ODF2L: variants seen among roughly 807,000 people sequenced by gnomAD.
ODF2L encodes outer dense fiber of sperm tails 2 like, also known as protein BCAP.
ODF2L carries 76 observed loss-of-function variants against 86.3 expected under a neutral mutation model. That is an observed-to-expected ratio of 0.88 (90% CI 0.73 to 1.07). ODF2L has a LOEUF of 1.07. ODF2L is among the 50% of genes least tolerant of loss of function. The pLI, the probability that ODF2L is intolerant of heterozygous loss-of-function variation, is 0.00. For missense variants in ODF2L, 748 were observed against 717.4 expected (o/e 1.04, Z -0.49); for synonymous variants, 241 against 231.3 (o/e 1.04, Z -0.38).
intron 11 of ODF2L, among the ~76,000 whole-genome samples, chr1:86,367,700 G>A (rs948776773): frequency 3.9e-5 from 6 of 152,160 alleles, no homozygotes; most frequent in Admixed American, 6.5e-5. Flanking sequence ...ACTTGACTGT[G>A]TAGTGAAAGA....
intron 2 of ODF2L, 142 bp downstream of exon 2, chr1:86,386,773 T>C (rs541360674): frequency 2.0e-6 from 1 of 489,738 alleles, no homozygotes; most frequent in African/African-American, 2.0e-5. Context: ...TCAGATTAAA[T>C]ATATTTTAAT....
intron 7 of ODF2L, 48 bp downstream of exon 7, chr1:86,382,194 T>G: frequency 6.6e-7 from 1 of 1,511,718 alleles, no homozygotes; most frequent in Non-Finnish European, 8.8e-7. Flanking sequence ...GGCCTTTCAT[T>G]AATTTTATCA....
intron 13 of ODF2L, among the ~76,000 whole-genome samples, 200 bp from the exon 13 acceptor site, chr1:86,356,802 A>G (rs1358015731): frequency 6.6e-6 from 1 of 152,212 alleles, no homozygotes; most frequent in Non-Finnish European, 1.5e-5. Flanking sequence ...GTTTTCAAAA[A>G]GTTTGTTGAG....
chr1:86,354,804 A>G, exon 15 of ODF2L: 1 of 1,606,472 alleles, frequency 6.2e-7, no homozygotes. Flanking sequence ...CAGCTGAATA[A>G]GACAGTTTTC....
rs780608869 is a variant in ODF2L at position 86,356,435 on chromosome 1, G to A, written c.1518+9C>T. 2.5e-6 allele frequency: 4 copies of A among 1,594,336 alleles called. No individual in the cohort carries two copies. The highest frequency in any genetic ancestry group is 3.4e-6 in the Non-Finnish European group (4 of 1,167,810). On this transcript the variant is annotated intron_variant, in intron 14 of 17. Coordinates refer to ENST00000317336, the Ensembl canonical transcript of ODF2L. The stretch of plus-strand genomic sequence containing the variant: ...GCATCTAGCAAAACTCAGAAGGACG[G>A]CTGGACACCTGGCCCTGAAGCTCCC...
At chr1:86,386,318 T>C (rs1660951364) in intron 2 of ODF2L, 1 of 152,196 alleles carries the variant, frequency 6.6e-6, no homozygotes, top group South Asian at 2.1e-4. Flanking sequence ...TATTATATTT[T>C]CATTTATCTT....
intron 11 of ODF2L, among the ~76,000 whole-genome samples, chr1:86,366,513 G>A (rs748165285): frequency 2.7e-5 from 4 of 150,910 alleles, no homozygotes; most frequent in Middle Eastern, 3.4e-3. Context: ...AGGCTGAAGC[G>A]GGAGATTGCT....
chr1:86,358,372 ATAT>A (rs1658753380), intron 13 of ODF2L: 1 of 151,902 alleles, frequency 6.6e-6, no homozygotes, highest in Admixed American at 6.6e-5. Context: ...TTTTTAAAAG[ATAT>A]TATTTTTCTT....
chr1:86,360,758 C>T (rs1658975543), intron 11 of ODF2L: 3 of 282,374 alleles, frequency 1.1e-5, no homozygotes, highest in East Asian at 1.2e-4. Context: ...ATTTTTAAAA[C>T]TTTCTAAATT....
chr1:86,391,005 A>C (rs1661286469), intron 1 of ODF2L, among the ~76,000 whole-genome samples: 1 of 152,224 alleles, frequency 6.6e-6, no homozygotes, highest in Non-Finnish European at 1.5e-5. Context: ...TAATGTACAC[A>C]AATCAGTAGC....
chr1:86,376,837 G>A (rs1244234755), intron 7 of ODF2L, among the ~76,000 whole-genome samples: 1 of 152,124 alleles, frequency 6.6e-6, no homozygotes, highest in East Asian at 1.9e-4. Flanking sequence ...AGATTATAAG[G>A]ATTACAATTC....
intron 8 of ODF2L, among the ~76,000 whole-genome samples, chr1:86,375,786 G>T (rs753346992): frequency 6.6e-6 from 1 of 152,176 alleles, no homozygotes; most frequent in Non-Finnish European, 1.5e-5. Context: ...TCCAAGAGTT[G>T]CTTTGTGCAT....
rs1280042167 is a variant in ODF2L at position 86,386,927 on chromosome 1, CTT to C, written c.99_100del (p.His35SerfsTer11). 2 of 1,561,506 alleles carry C rather than the reference CTT, an allele frequency of 1.3e-6. No individual in the cohort carries two copies. The highest frequency in any genetic ancestry group is 2.7e-5 in the African/African-American group (2 of 73,714). ...CTGATGAGAATACCAGCTGAGATGA[CTT>C]TCACTGGTACACCGTGGTAAATCTT... On this transcript the variant is annotated frameshift_variant, in exon 2 of 18. Transcript: ENST00000317336. LOFTEE classifies it high-confidence loss of function.
exon 8 of ODF2L, chr1:86,376,410 T>G: frequency 6.3e-7 from 1 of 1,577,804 alleles, no homozygotes; most frequent in South Asian, 1.2e-5. Flanking sequence ...CTATCTTGGT[T>G]TCTAAGCTCT....
At chr1:86,363,371 A>G (rs1659177223) in intron 11 of ODF2L, among the ~76,000 whole-genome samples, 1 of 152,218 alleles carries the variant, frequency 6.6e-6, no homozygotes, top group African/African-American at 2.4e-5. Flanking sequence ...GAAAGCCTCG[A>G]GCACATAGAT....
chr1:86,348,589 T>C (rs1476518190), downstream of ODF2L: 2 of 556,336 alleles, frequency 3.6e-6, no homozygotes, highest in Non-Finnish European at 5.2e-6. Flanking sequence ...TTTTAAAGTT[T>C]CAGTTAGATA....
intron 7 of ODF2L, 165 bp downstream of exon 7, chr1:86,382,077 C>G: frequency 1.8e-5 from 18 of 989,904 alleles, no homozygotes; most frequent in Non-Finnish European, 2.2e-5. Context: ...TGTACCCAAA[C>G]CTTTAGTTAG....
chr1:86,391,534 T>G (rs1458749983), intron 1 of ODF2L, among the ~76,000 whole-genome samples: 1 of 152,116 alleles, frequency 6.6e-6, no homozygotes, highest in Non-Finnish European at 1.5e-5. Context: ...TACTTACAGC[T>G]AACTGATATT....
chr1:86,383,189 T>C (rs112672729), exon 5 of ODF2L: 5 of 1,552,548 alleles, frequency 3.2e-6, no homozygotes, highest in Non-Finnish European at 4.4e-6. Context: ...GGATAAATTG[T>C]CTCCTGTCTG....
Sources: allele counts gnomAD v4.1 joint callset (sites outside exome capture counted in the v4.1 genomes callset), GRCh38; gene constraint gnomAD v4.1.1; transcripts MANE v1.5; gene names NCBI Gene and HGNC (gene_info 2026-07-23, HGNC 2026-07-21).